PALLD: variants seen among roughly 807,000 people sequenced by gnomAD.
PALLD encodes the protein palladin, cytoskeletal associated protein.
Under a neutral mutation model 123.5 loss-of-function variants are expected in PALLD, and 61 were observed. The ratio of observed to expected loss-of-function variants is 0.49; its 90% CI spans 0.40 to 0.61. The LOEUF (loss-of-function observed/expected upper bound fraction) is 0.61, where lower values mean the gene tolerates loss of function less well. PALLD is among the 20% of genes least tolerant of loss of function. The pLI is 0.00. For missense variants in PALLD, 1,273 were observed against 1,377.0 expected, an observed-to-expected ratio of 0.92 and a Z score of 1.20; for synonymous variants, 465 against 496.4, an observed-to-expected ratio of 0.94 and a Z score of 0.84.
chr4:168,576,583 G>A (rs1769623643), intron 2 of PALLD, among the ~76,000 whole-genome samples: 1 of 152,158 alleles, frequency 6.6e-6, no homozygotes. Flanking sequence ...TTTTATGGCT[G>A]CATAGTATTC....
At chr4:168,733,141 G>A (rs963071819) in intron 10 of PALLD, among the ~76,000 whole-genome samples, 1 of 152,084 alleles carries the variant, frequency 6.6e-6, no homozygotes. Flanking sequence ...GGGTAATTGA[G>A]ATATCTGTCA....
chr4:168,761,113 C>G (rs1732764311), intron 10 of PALLD, among the ~76,000 whole-genome samples: 1 of 152,194 alleles, frequency 6.6e-6, no homozygotes, highest in Non-Finnish European at 1.5e-5. Flanking sequence ...GTTGTTCTTT[C>G]CTTCTTAGTA....
chr4:168,916,755 G>A (rs1189964205), intron 17 of PALLD, among the ~76,000 whole-genome samples: 8 of 140,794 alleles, frequency 5.7e-5, no homozygotes, highest in Non-Finnish European at 9.1e-5. Context: ...ATCTCGGCTC[G>A]CTGCAACCTC....
chr4:168,567,542 G>GGTGTGTGTGT (rs61409598), intron 2 of PALLD, among the ~76,000 whole-genome samples: 3,762 of 145,518 alleles, frequency 0.026, 116 homozygotes, highest in African/African-American at 0.066. Context: ...AAGAAAATGT[G>GGTGTGTGTGT]GTGTGTGTGT....
rs572136085 is a variant in PALLD, at chr4:168,665,927, A to G, written c.909-2263A>G. ...GACTCTGACTATAATGCAAAAGCAG[A>G]CATAGACAACATGTAAATGAATGAG... On this transcript the variant is annotated intron_variant, in intron 2 of 21. Coordinates refer to ENST00000505667, the MANE Select transcript of PALLD (RefSeq NM_001166108.2). 2.6e-5 allele frequency among the ~76,000 whole-genome samples: 4 copies of G among 152,330 alleles called. No individual in the cohort carries two copies. The South Asian group carries it at 6.2e-4, about 24-fold the overall frequency.
At chr4:168,818,447 C>T (rs765701285) in intron 10 of PALLD, among the ~76,000 whole-genome samples, 3 of 151,996 alleles carry the variant, frequency 2.0e-5, no homozygotes, top group Non-Finnish European at 4.4e-5. Flanking sequence ...AAAAATATTT[C>T]GAAAAAGCCA....
chr4:168,763,886 C>T (rs1561496370), intron 10 of PALLD, among the ~76,000 whole-genome samples: 1 of 152,178 alleles, frequency 6.6e-6, no homozygotes, highest in East Asian at 1.9e-4. Flanking sequence ...GCCTCAGAGC[C>T]TTAGAAGCCC....
chr4:168,804,802 A>T (rs1739903549), intron 10 of PALLD, among the ~76,000 whole-genome samples: 1 of 152,212 alleles, frequency 6.6e-6, no homozygotes, highest in Non-Finnish European at 1.5e-5. Context: ...CAGAGTAAAA[A>T]TGGGTAGATG....
chr4:168,846,884 T>C (rs1280693640), intron 10 of PALLD, among the ~76,000 whole-genome samples: 3 of 152,194 alleles, frequency 2.0e-5, no homozygotes, highest in Non-Finnish European at 2.9e-5. Context: ...GCAATTCGCT[T>C]ACGGTTAGCA....
At chr4:168,605,915 C>G (rs970629103) in intron 2 of PALLD, among the ~76,000 whole-genome samples, 2 of 150,932 alleles carry the variant, frequency 1.3e-5, no homozygotes, top group Admixed American at 1.3e-4. Context: ...GATTTTTATC[C>G]TTTTTTTTAA....
chr4:168,511,395 A>C (rs1025861630), intron 1 of PALLD, 28 bp from the exon 2 acceptor site: 2 of 792,066 alleles, frequency 2.5e-6, no homozygotes, highest in Non-Finnish European at 4.3e-6. Flanking sequence ...AATCATTGCT[A>C]CTAATGACAT....
At chr4:168,519,103 GCAAAATAGTA>G (rs1476424956) in intron 2 of PALLD, among the ~76,000 whole-genome samples, 2 of 152,218 alleles carry the variant, frequency 1.3e-5, no homozygotes, top group African/African-American at 4.8e-5. Context: ...AGTTACATTT[GCAAAATAGTA>G]CTATTTCAGG....
At chr4:168,515,277 T>G (rs940392082) in intron 2 of PALLD, among the ~76,000 whole-genome samples, 3 of 152,200 alleles carry the variant, frequency 2.0e-5, no homozygotes, top group African/African-American at 7.2e-5. Context: ...GAGAAAATCT[T>G]TGAAGGAAAT....
At chr4:168,508,684 G>A (rs576643007) in intron 1 of PALLD, among the ~76,000 whole-genome samples, 38 of 152,110 alleles carry the variant, frequency 2.5e-4, no homozygotes, top group Non-Finnish European at 5.1e-4. Flanking sequence ...AAACACAGTA[G>A]CTTTCTTTCA....
intron 2 of PALLD, among the ~76,000 whole-genome samples, chr4:168,609,303 T>C (rs946464672): frequency 7.2e-5 from 9 of 125,666 alleles, no homozygotes; most frequent in African/African-American, 2.8e-4. Context: ...GAGACAGGAA[T>C]GGAGGACGAG....
chr4:168,781,319 A>AT (rs912806066), intron 10 of PALLD, among the ~76,000 whole-genome samples: 1 of 152,146 alleles, frequency 6.6e-6, no homozygotes, highest in South Asian at 2.1e-4. Flanking sequence ...CCTTCCCTGC[A>AT]TTTTGGCCAG....
chr4:168,864,599 A>G lies in PALLD; in HGVS notation c.1965-26323A>G, dbSNP rs537051604. On this transcript the variant is annotated intron_variant, in intron 10 of 21. Coordinates refer to ENST00000505667, the MANE Select transcript of PALLD (RefSeq NM_001166108.2). ...CCGTTGTTTAAATCTTAAAAAGAAA[A>G]GGCATATTCTGGTGTATATACTACT... 15 of 152,342 alleles carry G rather than the reference A, an allele frequency of 9.8e-5. No individual in the cohort carries two copies. In the East Asian group the frequency reaches 2.9e-3, roughly 29 times the overall value. The allele number at this position is 152,342 out of a possible 1,614,324, so 9.4% of individuals were successfully genotyped here. A position where few individuals can be genotyped will look rare whatever the true frequency, so the allele number is the denominator to read the frequency against.
chr4:168,541,587 A>T (rs1450796647), intron 2 of PALLD, among the ~76,000 whole-genome samples: 1 of 152,032 alleles, frequency 6.6e-6, no homozygotes, highest in African/African-American at 2.4e-5. Flanking sequence ...AGTAGCTGGG[A>T]TTACAGGCGC....
intron 10 of PALLD, among the ~76,000 whole-genome samples, chr4:168,860,362 A>G (rs1436677563): frequency 6.6e-6 from 1 of 152,206 alleles, no homozygotes; most frequent in Admixed American, 6.5e-5. Flanking sequence ...GCAGAGGCAG[A>G]AAGTCTAAAA....
Sources: gnomAD v4.1 joint callset for allele counts (sites outside exome capture counted in the v4.1 genomes callset) on GRCh38, gnomAD v4.1.1 for gene constraint, MANE v1.5 for transcripts, NCBI Gene and HGNC (gene_info 2026-07-23, HGNC 2026-07-21) for gene names.